Variants in ADGRL3 observed in about 807,000 individuals in gnomAD.
ADGRL3 encodes adhesion G protein-coupled receptor L3.
A neutral mutation model predicts 153.5 loss-of-function variants in ADGRL3; 62 were observed. That is an observed-to-expected ratio of 0.40 (90% CI 0.33 to 0.50). The LOEUF is 0.50. ADGRL3 is among the 20% of genes least tolerant of loss of function. The probability of loss-of-function intolerance (pLI) is 0.47; values close to 1 mark genes in which losing one functional copy is unlikely to be tolerated. For synonymous variants in ADGRL3, 710 were observed against 672.5 expected, an observed-to-expected ratio of 1.06 and a Z score of -0.86; for missense variants, 1,641 against 1,859.4, an observed-to-expected ratio of 0.88 and a Z score of 2.16.
At chr4:62,057,906 T>C (rs919518364) in intron 25 of ADGRL3, among the ~76,000 whole-genome samples, 14 of 152,162 alleles carry the variant, frequency 9.2e-5, no homozygotes, top group Non-Finnish European at 1.5e-4. Flanking sequence ...ATCGAGCTCC[T>C]GATCTCAAGT....
At chr4:61,543,831 TAA>T (rs1471450197) in intron 4 of ADGRL3, among the ~76,000 whole-genome samples, 1 of 152,238 alleles carries the variant, frequency 6.6e-6, no homozygotes, top group Non-Finnish European at 1.5e-5. Flanking sequence ...TGTATTGCTA[TAA>T]AGTTTGTTCA....
chr4:61,569,849 T>C (rs1218248890), intron 4 of ADGRL3, among the ~76,000 whole-genome samples: 1 of 152,202 alleles, frequency 6.6e-6, no homozygotes, highest in Non-Finnish European at 1.5e-5. Flanking sequence ...ATGTGGCACT[T>C]AGCACTTCAC....
intron 4 of ADGRL3, among the ~76,000 whole-genome samples, chr4:61,553,689 AT>A (rs989664064): frequency 1.3e-5 from 2 of 151,120 alleles, no homozygotes; most frequent in Non-Finnish European, 3.0e-5. Flanking sequence ...TTCATTGCAC[AT>A]TTTTTTTTCA....
intron 9 of ADGRL3, among the ~76,000 whole-genome samples, chr4:61,840,997 G>A (rs1345539082): frequency 6.7e-6 from 1 of 148,486 alleles, no homozygotes; most frequent in Non-Finnish European, 1.5e-5. Context: ...AATCACAAGG[G>A]GGAGTAATAA....
chr4:61,215,376 A>G (rs1742151688), intron 1 of ADGRL3, among the ~76,000 whole-genome samples: 1 of 152,082 alleles, frequency 6.6e-6, no homozygotes, highest in African/African-American at 2.4e-5. Flanking sequence ...GTGCCATTGA[A>G]AATTGCTCTG....
chr4:61,920,529 A>G (rs944636781), intron 13 of ADGRL3, among the ~76,000 whole-genome samples: 3 of 152,220 alleles, frequency 2.0e-5, no homozygotes, highest in South Asian at 4.1e-4. Context: ...AGTAACAGAA[A>G]GTTAGCTATG....
At chr4:61,512,286 A>G (rs1055033155) in intron 3 of ADGRL3, among the ~76,000 whole-genome samples, 5 of 152,144 alleles carry the variant, frequency 3.3e-5, no homozygotes, top group African/African-American at 9.7e-5. Flanking sequence ...ATAACAATCC[A>G]ATGAGTCATA....
intron 1 of ADGRL3, among the ~76,000 whole-genome samples, chr4:61,231,791 G>A (rs1443835238): frequency 2.0e-5 from 3 of 151,980 alleles, no homozygotes; most frequent in East Asian, 3.9e-4. Context: ...CACGTGGTAA[G>A]TACTAAATAT....
intron 8 of ADGRL3, among the ~76,000 whole-genome samples, chr4:61,744,767 A>T (rs7691558): frequency 0.58 from 87,297 of 151,152 alleles, 27,562 homozygotes; most frequent in African/African-American, 0.82. Context: ...GATGGGGAAA[A>T]AACAGAGCAG....
chr4:61,847,318 A>G (rs1407713537), intron 9 of ADGRL3, among the ~76,000 whole-genome samples: 1 of 151,412 alleles, frequency 6.6e-6, no homozygotes, highest in African/African-American at 2.4e-5. Context: ...TAACTTGAAT[A>G]AATTCACTGA....
chr4:62,058,084 C>T (rs1360206487), intron 25 of ADGRL3, among the ~76,000 whole-genome samples: 1 of 152,116 alleles, frequency 6.6e-6, no homozygotes, highest in African/African-American at 2.4e-5. Context: ...CAGACCGTAG[C>T]CAGGAGTTTG....
intron 1 of ADGRL3, among the ~76,000 whole-genome samples, chr4:61,266,262 A>G (rs1301977706): frequency 9.6e-6 from 1 of 103,952 alleles, no homozygotes; most frequent in Admixed American, 9.8e-5. Flanking sequence ...CCATTTCATG[A>G]TCTTTCTGAC....
At chr4:61,967,128 T>TA (rs1385083059) in intron 17 of ADGRL3, among the ~76,000 whole-genome samples, 6 of 152,118 alleles carry the variant, frequency 3.9e-5, no homozygotes, top group Non-Finnish European at 7.4e-5. Flanking sequence ...GTAGGGCCAA[T>TA]AGTGTGAAAA....
At chr4:61,359,670 T>C (rs1432996774) in intron 1 of ADGRL3, among the ~76,000 whole-genome samples, 2 of 152,196 alleles carry the variant, frequency 1.3e-5, no homozygotes, top group East Asian at 1.9e-4. Flanking sequence ...AAATTGTAAA[T>C]TTTACATGCA....
At chr4:61,236,740 T>C (rs969522254) in intron 1 of ADGRL3, among the ~76,000 whole-genome samples, 4 of 152,158 alleles carry the variant, frequency 2.6e-5, no homozygotes, top group Non-Finnish European at 5.9e-5. Context: ...ATTTCAGTAA[T>C]AATTTCTTTG....
chr4:61,752,053 G>T (rs1297732827), intron 8 of ADGRL3, among the ~76,000 whole-genome samples: 2 of 152,106 alleles, frequency 1.3e-5, no homozygotes, highest in African/African-American at 4.8e-5. Flanking sequence ...ACAAAGTGAG[G>T]AGTGCTTATA....
intron 1 of ADGRL3, among the ~76,000 whole-genome samples, chr4:61,336,567 T>A (rs2095679155): frequency 6.6e-6 from 1 of 152,124 alleles, no homozygotes; most frequent in Admixed American, 6.6e-5. Context: ...GGTGGCTTGT[T>A]TTCCTCAGCG....
intron 8 of ADGRL3, among the ~76,000 whole-genome samples, chr4:61,794,433 T>A (rs2097382288): frequency 6.6e-6 from 1 of 152,212 alleles, no homozygotes; most frequent in African/African-American, 2.4e-5. Flanking sequence ...TTTCTGCTTG[T>A]AATACTTTCT....
chr4:61,543,810 TA>T, intron 4 of ADGRL3, among the ~76,000 whole-genome samples: 1 of 152,352 alleles, frequency 6.6e-6, no homozygotes, highest in East Asian at 1.9e-4. Flanking sequence ...ATGCTATATT[TA>T]AACTGCATCT....
Sources: allele counts gnomAD v4.1 joint callset (sites outside exome capture counted in the v4.1 genomes callset), GRCh38; gene constraint gnomAD v4.1.1; transcripts MANE v1.5; gene names NCBI Gene and HGNC (gene_info 2026-07-23, HGNC 2026-07-21).